Variants in WDFY3 observed in about 807,000 individuals in gnomAD.
WDFY3 encodes the protein WD repeat and FYVE domain-containing protein 3.
Under a neutral mutation model 409.6 loss-of-function variants are expected in WDFY3, and 66 were observed. The observed-to-expected ratio is 0.16, with a 90% CI of 0.13 to 0.20. WDFY3 has a LOEUF of 0.20. Ranked by LOEUF, WDFY3 falls within the 10% of genes least tolerant of loss-of-function variation. The pLI, the probability that WDFY3 is intolerant of heterozygous loss-of-function variation, is 1.00. For synonymous variants in WDFY3, 1,521 were observed against 1,537.1 expected (o/e 0.99, Z 0.25); for missense variants, 3,031 against 4,298.1 (o/e 0.71, Z 8.24).
intron 30 of WDFY3, among the ~76,000 whole-genome samples, chr4:84,767,926 T>C (rs1423791520): frequency 6.6e-6 from 1 of 151,720 alleles, no homozygotes; most frequent in Non-Finnish European, 1.5e-5. Flanking sequence ...TCTAAAAAAA[T>C]GAAGAAATGA....
chr4:84,854,921 A>G (rs1181624970), intron 4 of WDFY3, among the ~76,000 whole-genome samples: 2 of 152,190 alleles, frequency 1.3e-5, no homozygotes, highest in African/African-American at 4.8e-5. Context: ...CAAACAAACA[A>G]CGACAAAAAA....
At chr4:84,677,459 C>G in intron 66 of WDFY3, 63 bp from the exon 67 acceptor site, 1 of 1,456,350 alleles carries the variant, frequency 6.9e-7, no homozygotes, top group Non-Finnish European at 9.1e-7. Context: ...CTTCTTGAGG[C>G]TCTCTGGATT....
intron 1 of WDFY3, among the ~76,000 whole-genome samples, chr4:84,935,730 T>A (rs1771323497): frequency 6.6e-6 from 1 of 152,118 alleles, no homozygotes; most frequent in Non-Finnish European, 1.5e-5. Context: ...CCTCAACCCA[T>A]TTTTTAATAT....
At chr4:84,871,286 T>C (rs541773380) in intron 3 of WDFY3, among the ~76,000 whole-genome samples, 7 of 152,252 alleles carry the variant, frequency 4.6e-5, no homozygotes, top group Non-Finnish European at 5.9e-5. Flanking sequence ...ATAAAAATTA[T>C]AGTGGGCTTC....
chr4:84,743,980 C>A (rs1738893629), intron 36 of WDFY3, among the ~76,000 whole-genome samples, 181 bp from the exon 37 acceptor site: 2 of 150,826 alleles, frequency 1.3e-5, no homozygotes, highest in Admixed American at 6.6e-5. Context: ...TTTCTGACTA[C>A]AGAATTAAAA....
At chr4:84,734,696 A>G (rs1015104713) in intron 43 of WDFY3, among the ~76,000 whole-genome samples, 4 of 152,222 alleles carry the variant, frequency 2.6e-5, no homozygotes, top group African/African-American at 7.2e-5. Context: ...GCGTATTTTC[A>G]CAATCTCCTT....
chr4:84,844,323 C>T (rs367894656), intron 5 of WDFY3: 19 of 446,606 alleles, frequency 4.3e-5, no homozygotes, highest in South Asian at 8.7e-5. Flanking sequence ...AATGAAGACA[C>T]GAAGCCCTAA....
At chr4:84,866,520 G>A (rs1028875344) in intron 3 of WDFY3, among the ~76,000 whole-genome samples, 2 of 152,228 alleles carry the variant, frequency 1.3e-5, no homozygotes, top group South Asian at 4.1e-4. Flanking sequence ...AGGGGAAAGT[G>A]CCCTGGATGG....
intron 1 of WDFY3, among the ~76,000 whole-genome samples, chr4:84,960,709 C>G (rs1774802508): frequency 6.6e-6 from 1 of 152,078 alleles, no homozygotes; most frequent in Admixed American, 6.6e-5. Flanking sequence ...AATTTCTGAG[C>G]TCAAGCAATC....
chr4:84,758,952 C>T (rs1439399677), intron 32 of WDFY3, among the ~76,000 whole-genome samples: 1 of 152,124 alleles, frequency 6.6e-6, no homozygotes, highest in Non-Finnish European at 1.5e-5. Flanking sequence ...ACGTTTAAGT[C>T]TTTAATCCAT....
chr4:84,873,320 C>G (rs1180513416), intron 3 of WDFY3, among the ~76,000 whole-genome samples: 1 of 152,108 alleles, frequency 6.6e-6, no homozygotes, highest in Non-Finnish European at 1.5e-5. Context: ...AGAAATCATA[C>G]AAAGTATGCT....
chr4:84,884,066 A>T (rs1763884825), intron 3 of WDFY3, among the ~76,000 whole-genome samples: 1 of 152,174 alleles, frequency 6.6e-6, no homozygotes, highest in Admixed American at 6.5e-5. Flanking sequence ...AAAAAGCTAT[A>T]GATTACTTTT....
At chr4:84,770,890 CAAAT>C (rs747241343) in intron 30 of WDFY3, among the ~76,000 whole-genome samples, 3 of 152,154 alleles carry the variant, frequency 2.0e-5, no homozygotes, top group African/African-American at 4.8e-5. Context: ...CAGTGCATAT[CAAAT>C]AAATAATAAA....
Position 84,929,631 on chromosome 4 carries a change from C to T in WDFY3, c.-132+2639G>A, listed in dbSNP as rs367797303. Among the ~76,000 whole-genome samples, 7 of 152,196 alleles carry T rather than the reference C, an allele frequency of 4.6e-5. No individual in the cohort carries two copies. In the East Asian group the frequency reaches 5.8e-4, roughly 13 times the overall value. On this transcript the variant is annotated intron_variant, in intron 2 of 67. Coordinates refer to ENST00000295888, the MANE Select transcript of WDFY3 (RefSeq NM_014991.6). Reference sequence around the variant, plus strand: ...GTCCTTAGAAATCTGGACACAGGACCGGGCGTGGTGGCTCACGCCTATAAT... The same window carrying T: ...GTCCTTAGAAATCTGGACACAGGACTGGGCGTGGTGGCTCACGCCTATAAT...
intron 1 of WDFY3, among the ~76,000 whole-genome samples, chr4:84,944,146 T>A (rs1772497026): frequency 6.6e-6 from 1 of 152,212 alleles, no homozygotes; most frequent in South Asian, 2.1e-4. Flanking sequence ...ACTCTAAATA[T>A]CTTTTCGCTG....
At chr4:84,886,266 T>C (rs1764209196) in intron 3 of WDFY3, 1 of 152,148 alleles carries the variant, frequency 6.6e-6, no homozygotes, top group South Asian at 2.1e-4. Flanking sequence ...AATCACTGTT[T>C]TATATAAAAA....
chr4:84,801,951 T>G, intron 16 of WDFY3, 87 bp from the exon 17 acceptor site: 1 of 433,682 alleles, frequency 2.3e-6, no homozygotes, highest in Admixed American at 5.5e-5. Flanking sequence ...ACCTTTTTAA[T>G]TTTTTTTTTT....
At position 84,916,751 on chromosome 4, in the gene WDFY3, A is replaced by G. The variant is rs569045809; in HGVS notation, c.-132+15519T>C. On this transcript the variant is annotated intron_variant, in intron 2 of 67. Transcript: ENST00000295888. ...ATACTGAATTAATAAAACAATTTCT[A>G]TGGAAGTTATCAAATGAAAGTAATA... 2.0e-4 allele frequency among the ~76,000 whole-genome samples: 31 copies of G among 152,338 alleles called. No homozygotes were observed. In the South Asian group the frequency reaches 2.7e-3, roughly 13 times the overall value.
chr4:84,827,906 T>C (rs1415195430), intron 9 of WDFY3, among the ~76,000 whole-genome samples: 1 of 152,038 alleles, frequency 6.6e-6, no homozygotes, highest in Non-Finnish European at 1.5e-5. Context: ...TGCTTGAGGC[T>C]AGAGTTTGGC....
Sources: gnomAD v4.1 joint callset for allele counts (sites outside exome capture counted in the v4.1 genomes callset) on GRCh38, gnomAD v4.1.1 for gene constraint, MANE v1.5 for transcripts, NCBI Gene and HGNC (gene_info 2026-07-23, HGNC 2026-07-21) for gene names.